The following PDE1A variants were observed in gnomAD, a reference collection of about 807,000 sequenced individuals.
PDE1A encodes phosphodiesterase 1A, also known as dual specificity calcium/calmodulin-dependent 3',5'-cyclic nucleotide phosphodiesterase 1A.
PDE1A carries 35 observed loss-of-function variants against 61.7 expected under a neutral mutation model. That is an observed-to-expected ratio of 0.57 (90% CI 0.43 to 0.75). The LOEUF is 0.75. PDE1A is among the 30% of genes least tolerant of loss of function. The pLI is 0.00. For synonymous variants in PDE1A, 232 were observed against 213.2 expected (o/e 1.09, Z -0.77); for missense variants, 597 against 630.6 (o/e 0.95, Z 0.57).
At chr2:182,283,102 CT>C (rs750283541) in intron 1 of PDE1A, among the ~76,000 whole-genome samples, 6 of 151,954 alleles carry the variant, frequency 3.9e-5, no homozygotes, top group Non-Finnish European at 7.4e-5. Flanking sequence ...GAAATATTTT[CT>C]TTTCAAATCT....
chr2:182,172,582 C>T (rs1380679998), intron 13 of PDE1A, among the ~76,000 whole-genome samples: 1 of 152,024 alleles, frequency 6.6e-6, no homozygotes, highest in Non-Finnish European at 1.5e-5. Context: ...CTTACTAGAA[C>T]TCTAATTTGG....
At chr2:182,418,415 G>A (rs1190160805) in intron 1 of PDE1A, among the ~76,000 whole-genome samples, 2 of 152,096 alleles carry the variant, frequency 1.3e-5, no homozygotes, top group African/African-American at 4.8e-5. Context: ...CTATAACCCT[G>A]GAGTCAGGTG....
the PDE1A span, among the ~76,000 whole-genome samples, chr2:182,658,067 AAAAAAC>A: frequency 6.5e-5 from 7 of 107,958 alleles, 1 homozygote; most frequent in African/African-American, 2.0e-4. Flanking sequence ...AAAAAAAAAA[AAAAAAC>A]AAAAAAACTT....
chr2:182,188,551 A>T (rs1685435558), intron 11 of PDE1A, among the ~76,000 whole-genome samples: 1 of 152,206 alleles, frequency 6.6e-6, no homozygotes, highest in Admixed American at 6.5e-5. Flanking sequence ...TCACATCATG[A>T]CAGAATATTT....
chr2:182,665,459 GA>G, the PDE1A span, among the ~76,000 whole-genome samples: 1 of 151,898 alleles, frequency 6.6e-6, no homozygotes, highest in African/African-American at 2.4e-5. Context: ...ACAACCATAT[GA>G]AAAAAAATTT....
In PDE1A at chr2:182,415,308, C is replaced by T. The variant is rs58243454; in HGVS notation, c.53+11270G>A. Among the ~76,000 whole-genome samples the T allele has an allele frequency of 5.1e-3, 776 of 152,124 alleles. 23 individuals carry two copies. In the East Asian group the frequency reaches 0.078, roughly 15 times the overall value. On this transcript the variant is annotated intron_variant, in intron 1 of 13. Transcript: ENST00000351439. ...AGTAAAATATTTTAAAATAACAAAA[C>T]ATGCAAGCTTCATAGCACCCAAGAA...
intron 2 of PDE1A, among the ~76,000 whole-genome samples, chr2:182,470,732 A>C (rs992868689): frequency 1.3e-5 from 2 of 151,772 alleles, no homozygotes; most frequent in Non-Finnish European, 2.9e-5. Flanking sequence ...GACAGTATGC[A>C]CTGTTCATGG....
At chr2:182,547,962 T>A in the PDE1A span, among the ~76,000 whole-genome samples, 2 of 152,172 alleles carry the variant, frequency 1.3e-5, no homozygotes, top group Admixed American at 6.5e-5. Flanking sequence ...AAGTAGGGTC[T>A]GAGAGAGATG....
At chr2:182,347,990 T>C (rs562667404) in intron 1 of PDE1A, among the ~76,000 whole-genome samples, 2 of 152,270 alleles carry the variant, frequency 1.3e-5, no homozygotes, top group South Asian at 4.1e-4. Flanking sequence ...TTTGTAATGC[T>C]ATCCACAAAT....
intron 2 of PDE1A, among the ~76,000 whole-genome samples, chr2:182,520,456 T>C (rs1690495752): frequency 6.6e-6 from 1 of 151,904 alleles, no homozygotes; most frequent in Non-Finnish European, 1.5e-5. Flanking sequence ...CAACTCAAAA[T>C]TAATTTTGCA....
the PDE1A span, among the ~76,000 whole-genome samples, chr2:182,693,564 C>T: frequency 6.6e-6 from 1 of 151,250 alleles, no homozygotes; most frequent in Non-Finnish European, 1.5e-5. Context: ...GACACTAGAC[C>T]CTTATCAGAC....
chr2:182,209,917 G>T (rs777733964), intron 7 of PDE1A, among the ~76,000 whole-genome samples: 43 of 152,218 alleles, frequency 2.8e-4, no homozygotes, highest in Admixed American at 1.3e-4. Flanking sequence ...AATACAATTG[G>T]TTCCTTTCAC....
chr2:182,187,511 G>A (rs115689819), intron 11 of PDE1A, among the ~76,000 whole-genome samples: 4,803 of 152,120 alleles, frequency 0.032, 242 homozygotes, highest in African/African-American at 0.11. Flanking sequence ...CTGGAGGTAG[G>A]CTTTTTAAGT....
chr2:182,712,650 A>T, the PDE1A span, among the ~76,000 whole-genome samples: 1 of 151,862 alleles, frequency 6.6e-6, no homozygotes, highest in Non-Finnish European at 1.5e-5. Context: ...TCCGCCTCTC[A>T]GGTTCATGCC....
chr2:182,548,837 T>C, the PDE1A span, among the ~76,000 whole-genome samples: 1 of 152,146 alleles, frequency 6.6e-6, no homozygotes, highest in African/African-American at 2.4e-5. Flanking sequence ...ATGCAAAAAC[T>C]AACCACTGCA....
intron 3 of PDE1A, among the ~76,000 whole-genome samples, chr2:182,237,984 C>A (rs1690168222): frequency 1.3e-5 from 2 of 151,938 alleles, no homozygotes; most frequent in African/African-American, 2.4e-5. Flanking sequence ...ATGACAGGAA[C>A]TAGGCTGGGC....
At chr2:182,189,481 G>A (rs375955027) in intron 10 of PDE1A, among the ~76,000 whole-genome samples, 8 of 152,222 alleles carry the variant, frequency 5.3e-5, no homozygotes, top group African/African-American at 1.9e-4. Context: ...TGACGGAACT[G>A]TTTTTCAAAA....
chr2:182,396,782 T>C (rs1701728917), intron 1 of PDE1A, among the ~76,000 whole-genome samples: 1 of 152,222 alleles, frequency 6.6e-6, no homozygotes, highest in African/African-American at 2.4e-5. Context: ...TTGTCTTTAT[T>C]TGAAGATTAT....
chr2:182,523,462 A>G (rs2125994480), upstream of PDE1A, among the ~76,000 whole-genome samples: 1 of 152,296 alleles, frequency 6.6e-6, no homozygotes. Context: ...CACAGACCTT[A>G]AGTATGAGCA....
Sources: gnomAD v4.1 joint callset for allele counts (sites outside exome capture counted in the v4.1 genomes callset) on GRCh38, gnomAD v4.1.1 for gene constraint, MANE v1.5 for transcripts, NCBI Gene and HGNC (gene_info 2026-07-23, HGNC 2026-07-21) for gene names.